Variants in NOS1 observed in about 807,000 individuals in gnomAD.
NOS1 encodes NOS type I.
NOS1 carries 51 observed loss-of-function variants against 164.5 expected under a neutral mutation model. The observed-to-expected ratio is 0.31, with a 90% confidence interval of 0.25 to 0.39. The LOEUF is 0.39. Ranked by LOEUF, NOS1 falls within the 10% of genes least tolerant of loss-of-function variation. The pLI, the probability that NOS1 is intolerant of heterozygous loss-of-function variation, is 1.00. For missense variants in NOS1, 1,362 were observed against 1,885.6 expected (o/e 0.72, Z 5.14); for synonymous variants, 719 against 745.8 (o/e 0.96, Z 0.59).
chr12:117,333,069 G>A (rs1283754598), intron 1 of NOS1, among the ~76,000 whole-genome samples: 7 of 152,168 alleles, frequency 4.6e-5, no homozygotes, highest in East Asian at 1.9e-4. Flanking sequence ...ATGTGCCCAC[G>A]GGGCCGTGTA....
rs144875728 is a variant in NOS1, at chr12:117,328,625, C to T, written c.725+1720G>A. ...TTTTGCCTAGGCTGAAGTGTAGTGG[C>T]GCAATCTCAGCTCACTGCAACCTCT... On this transcript the variant is annotated intron_variant, in intron 2 of 28. Transcript: ENST00000317775. 5.0e-3 allele frequency among the ~76,000 whole-genome samples: 751 copies of T among 149,628 alleles called. 6 individuals are homozygous for T. The highest frequency in any genetic ancestry group is 0.017 in the African/African-American group (702 of 40,648).
intron 1 of NOS1, among the ~76,000 whole-genome samples, chr12:117,343,698 C>T (rs1395931544): frequency 1.3e-5 from 2 of 152,190 alleles, no homozygotes; most frequent in African/African-American, 2.4e-5. Context: ...ACTGTTTTCT[C>T]CAAATTGCAC....
intron 7 of NOS1, among the ~76,000 whole-genome samples, chr12:117,283,052 ATATATT>A (rs1873806979): frequency 3.0e-5 from 2 of 67,546 alleles, no homozygotes; most frequent in African/African-American, 1.2e-4. Flanking sequence ...ATATATATAT[ATATATT>A]TTTTTTTTTT....
chr12:117,300,677 G>C (rs1873760548), intron 3 of NOS1, among the ~76,000 whole-genome samples: 1 of 152,062 alleles, frequency 6.6e-6, no homozygotes, highest in South Asian at 2.1e-4. Context: ...CTAAGAAGTG[G>C]GGCACTGAAG....
At chr12:117,228,572 A>C (rs1408536257) in intron 22 of NOS1, among the ~76,000 whole-genome samples, 2 of 152,148 alleles carry the variant, frequency 1.3e-5, no homozygotes, top group African/African-American at 4.8e-5. Context: ...TTGACAGCAA[A>C]GCCCAGCTGT....
chr12:117,344,813 A>C (rs1056104423), intron 1 of NOS1, among the ~76,000 whole-genome samples: 7 of 152,198 alleles, frequency 4.6e-5, no homozygotes, highest in African/African-American at 1.7e-4. Context: ...AAAACAGGCC[A>C]TGGCATTAAT....
chr12:117,265,481 G>T lies in NOS1; in HGVS notation c.1971C>A (p.His657Gln). 6.4e-7 allele frequency: 1 copy of T among 1,569,670 alleles called. No individual in the cohort carries two copies. The highest frequency in any genetic ancestry group is 8.6e-7 in the Non-Finnish European group (1 of 1,157,672). The change falls in exon 12 of 29, where the codon CAC (histidine) becomes CAA (glutamine). Residue 657 changes from histidine (H) to glutamine (Q), a missense_variant. This residue lies in a region of NOS1 where 737 missense variants were observed against 1,030.3 expected (regional missense o/e 0.72). Transcript: ENST00000317775. ...QSDKVTIVDHHSATESFIKHM... is the reference protein window; with the variant it reads ...QSDKVTIVDHQSATESFIKHM... Reference sequence around the variant, plus strand: ...GCTTAATGAAGGACTCGGTGGCGGAGTGATGGTCAACAATGGTCACTTTGT... The same window carrying T: ...GCTTAATGAAGGACTCGGTGGCGGATTGATGGTCAACAATGGTCACTTTGT...
intron 3 of NOS1, among the ~76,000 whole-genome samples, chr12:117,302,370 G>A (rs1329079638): frequency 3.3e-5 from 5 of 152,044 alleles, no homozygotes; most frequent in African/African-American, 9.7e-5. Context: ...CGAGGCGGGC[G>A]GATCATGAGG....
At chr12:117,232,623 T>C (rs892783149) in intron 21 of NOS1, among the ~76,000 whole-genome samples, 1 of 152,142 alleles carries the variant, frequency 6.6e-6, no homozygotes, top group Non-Finnish European at 1.5e-5. Flanking sequence ...TTCTCCCTGC[T>C]GAGAAAAATA....
intron 6 of NOS1, among the ~76,000 whole-genome samples, chr12:117,285,593 G>A (rs1874054759): frequency 6.6e-6 from 1 of 151,410 alleles, no homozygotes; most frequent in Non-Finnish European, 1.5e-5. Flanking sequence ...GAAAGGAATG[G>A]CAAATGAAGG....
At chr12:117,337,106 CTTTTT>C (rs36054002) in intron 1 of NOS1, among the ~76,000 whole-genome samples, 4 of 64,332 alleles carry the variant, frequency 6.2e-5, no homozygotes, top group African/African-American at 2.8e-4. Context: ...GCTTTTTACT[CTTTTT>C]TTTTTTTTTT....
rs868667936 is a variant in NOS1, at chr12:117,211,256, C to G, written c.*4053G>C. ...TACAGACATGAGCTACCGCGCCCAG[C>G]CTGCAAGATGCTTTAATTTCTCCTT... On this transcript the variant is annotated 3_prime_UTR_variant, in exon 29 of 29. Transcript: ENST00000317775. 2 of 985,436 alleles carry G rather than the reference C, an allele frequency of 2.0e-6. No individual in the cohort carries two copies. Among genetic ancestry groups the G allele is most frequent in the African/African-American group, 3.5e-5 (2 of 57,332 alleles). 61.0% of individuals were successfully genotyped at this position (985,436 alleles called of 1,614,324 possible).
At chr12:117,286,810 G>A (rs1310708983) in intron 5 of NOS1, among the ~76,000 whole-genome samples, 1 of 152,180 alleles carries the variant, frequency 6.6e-6, no homozygotes, top group African/African-American at 2.4e-5. Flanking sequence ...AGAAGTGACT[G>A]CTATCTTGAA....
chr12:117,285,134 T>C, intron 7 of NOS1, 107 bp downstream of exon 7: 1 of 509,078 alleles, frequency 2.0e-6, no homozygotes, highest in South Asian at 4.6e-5. Flanking sequence ...CCCGTGTCCC[T>C]GAGATGAGGT....
At chr12:117,267,980 G>C in intron 11 of NOS1, 63 bp downstream of exon 11, 1 of 1,164,028 alleles carries the variant, frequency 8.6e-7, no homozygotes, top group Non-Finnish European at 1.3e-6. Flanking sequence ...TCTGCATCAA[G>C]GCTCTGAAAG....
intron 1 of NOS1, among the ~76,000 whole-genome samples, chr12:117,346,628 G>A (rs528898674): frequency 1.3e-5 from 2 of 152,294 alleles, no homozygotes; most frequent in Non-Finnish European, 2.9e-5. Context: ...CATCACCTGG[G>A]AGCATGTCAG....
In NOS1 at chr12:117,210,387, T is replaced by C; in HGVS notation, c.*4922A>G. On this transcript the variant is annotated 3_prime_UTR_variant, in exon 29 of 29. Transcript: ENST00000317775. Reference sequence around the variant, plus strand: ...AAGACTAGTTAGTGTTTCTCTCTCCTTGTTGCTTCCTGGCAGTCTCAGACT... The same window carrying C: ...AAGACTAGTTAGTGTTTCTCTCTCCCTGTTGCTTCCTGGCAGTCTCAGACT... The C allele has an allele frequency of 1.0e-6, 1 of 985,362 alleles. No individual in the cohort carries two copies. The highest frequency in any genetic ancestry group is 1.2e-6 in the Non-Finnish European group (1 of 829,950). 61.0% of individuals were successfully genotyped at this position (985,362 alleles called of 1,614,324 possible). A position where few individuals can be genotyped will look rare whatever the true frequency, so the allele number is the denominator to read the frequency against.
intron 1 of NOS1, among the ~76,000 whole-genome samples, chr12:117,342,037 G>A (rs530372215): frequency 1.8e-4 from 28 of 152,174 alleles, no homozygotes; most frequent in Non-Finnish European, 3.1e-4. Flanking sequence ...CAGCGGTCTC[G>A]GAAACTTTTC....
At chr12:117,307,184 C>T (rs1186032996) in intron 3 of NOS1, among the ~76,000 whole-genome samples, 2 of 152,076 alleles carry the variant, frequency 1.3e-5, no homozygotes, top group African/African-American at 2.4e-5. Flanking sequence ...TCCTTCGAAC[C>T]GAGATCTCAA....
Sources: allele counts gnomAD v4.1 joint callset (sites outside exome capture counted in the v4.1 genomes callset), GRCh38; gene constraint gnomAD v4.1.1; regional missense constraint gnomAD v4.1.1; transcripts MANE v1.5; gene names NCBI Gene and HGNC (gene_info 2026-07-23, HGNC 2026-07-21).